The following ST6GALNAC1 variants were observed in gnomAD, a reference collection of about 807,000 sequenced individuals.
The protein encoded by ST6GALNAC1 is alpha-N-acetylgalactosaminide alpha-2,6-sialyltransferase 1.
In ST6GALNAC1, 45 loss-of-function variants were observed where a neutral mutation model predicts 56.8. The observed-to-expected ratio is 0.79, with a 90% CI of 0.62 to 1.02. ST6GALNAC1 has a LOEUF of 1.02. Among genes scored for constraint, ST6GALNAC1 ranks in the 50% least tolerant of loss-of-function variants. The pLI is 0.00. For synonymous variants in ST6GALNAC1, 295 were observed against 297.8 expected (o/e 0.99, Z 0.10); for missense variants, 743 against 754.8 (o/e 0.98, Z 0.18).
intron 2 of ST6GALNAC1, among the ~76,000 whole-genome samples, chr17:76,628,306 C>T (rs1471221258): frequency 7.1e-6 from 1 of 141,620 alleles, no homozygotes; most frequent in African/African-American, 2.6e-5. Flanking sequence ...TTCCTTCCTT[C>T]CTTCCGACAG....
chr17:76,641,753 T>C (rs1385237095), intron 1 of ST6GALNAC1: 1 of 152,162 alleles, frequency 6.6e-6, no homozygotes, highest in Non-Finnish European at 1.5e-5. Context: ...CTTACGCAAG[T>C]GCTCAAAGGT....
chr17:76,629,599 C>G lies in ST6GALNAC1; in HGVS notation c.244G>C (p.Glu82Gln). The G allele has an allele frequency of 6.2e-7, 1 of 1,613,658 alleles. No homozygotes were observed. Among genetic ancestry groups the G allele is most frequent in the Non-Finnish European group, 8.5e-7 (1 of 1,179,756 alleles). Residue 82 changes from glutamate (E) to glutamine (Q), a missense_variant, in exon 2 of 9, where the codon GAG becomes CAG. Physicochemically the swap from Glu to Gln is conservative, Grantham distance 29. Coordinates refer to ENST00000156626, the MANE Select transcript of ST6GALNAC1 (RefSeq NM_018414.5). The stretch of plus-strand genomic sequence containing the variant: ...GTTTGTGTGTTGAGGGCATTGTTCT[C>G]TGGCACTGGCTCTGCATAGATGGTT... ...RTTIYAEPVP[E>Q]NNALNTQTQP...
At chr17:76,641,593 T>C (rs894494031) in intron 1 of ST6GALNAC1, among the ~76,000 whole-genome samples, 21 of 152,190 alleles carry the variant, frequency 1.4e-4, no homozygotes, top group African/African-American at 5.1e-4. Context: ...AAAACCCTAA[T>C]GAAAGCCAGT....
chr17:76,626,303 G>A lies in ST6GALNAC1; in HGVS notation c.1401C>T (p.Asn467=), dbSNP rs771131341. The change falls in exon 6 of 9, where the codon AAC becomes AAT. Residue 467 remains asparagine, a synonymous_variant. Transcript: ENST00000156626. ...ACAGTGGGTACCTGAACCAGAAAAG[G>A]TTTTTTGACATCACCGTCTGATTCA... ...LLMNQTVMSK[N]LFWFRHRPQE... The A allele has an allele frequency of 6.2e-7, 1 of 1,614,168 alleles. No individual in the cohort carries two copies.
chr17:76,617,966 G>A, the ST6GALNAC1 span, among the ~76,000 whole-genome samples: 10 of 152,160 alleles, frequency 6.6e-5, no homozygotes, highest in African/African-American at 2.2e-4. Flanking sequence ...TGGGTCAAGG[G>A]ACCCGCATGC....
downstream of ST6GALNAC1, among the ~76,000 whole-genome samples, chr17:76,624,055 G>A (rs1171395286): frequency 6.6e-6 from 1 of 152,148 alleles, no homozygotes; most frequent in Non-Finnish European, 1.5e-5. Flanking sequence ...GCCGCGAGCA[G>A]GGCGCCGAGC....
rs918703408 is a variant in ST6GALNAC1, at chr17:76,624,906, G to C, written c.*424C>G. 3.0e-5 allele frequency: 6 copies of C among 203,366 alleles called. No homozygotes were observed. The highest frequency in any genetic ancestry group is 1.6e-4 in the Admixed American group (3 of 18,974). 12.6% of individuals were successfully genotyped at this position (203,366 alleles called of 1,614,324 possible). ...CTAGAATCAGATAACTCCTAGAAAG[G>C]TCTTCTAGACAATCTGTAGTGAAGT... On this transcript the variant is annotated 3_prime_UTR_variant, in exon 9 of 9. Coordinates refer to ENST00000156626, the MANE Select transcript of ST6GALNAC1 (RefSeq NM_018414.5).
rs962115984 is a variant in ST6GALNAC1, at chr17:76,629,394, C to T, written c.449G>A (p.Arg150Lys). ...RGQDAGMASG[R>K]TEAQSWKSQD... ...GCTCTTCCATGATTGTGCCTCTGTC[C>T]TGCCAGAGGCCATCCCTGCATCTTG... Residue 150 changes from arginine (R) to lysine (K), a missense_variant, in exon 2 of 9, where the codon AGG (arginine) becomes AAG (lysine). Arg to Lys is a conservative substitution (Grantham distance 26). Coordinates refer to ENST00000156626, the MANE Select transcript of ST6GALNAC1 (RefSeq NM_018414.5). 6.2e-7 allele frequency: 1 copy of T among 1,614,046 alleles called. No homozygotes were observed. The highest frequency in any genetic ancestry group is 1.3e-5 in the African/African-American group (1 of 74,916).
Position 76,643,621 on chromosome 17 carries a change from C to G in ST6GALNAC1, c.18G>C (p.Trp6Cys). The G allele has an allele frequency of 6.2e-7, 1 of 1,613,986 alleles. No individual in the cohort carries two copies. Among genetic ancestry groups the G allele is most frequent in the Non-Finnish European group, 8.5e-7 (1 of 1,179,912 alleles). The change falls in exon 1 of 9, where the codon TGG (tryptophan) becomes TGC (cysteine). Residue 6 changes from tryptophan (W) to cysteine (C), a missense_variant. Coordinates refer to ENST00000156626, the MANE Select transcript of ST6GALNAC1 (RefSeq NM_018414.5). MRSCL[W>C]RCRHLSQGVQ... ...CGCCTTGGCTCAGGTGCCTGCATCT[C>G]CACAGGCAGGACCTCATGGTGGTGG...
At position 76,625,393 on chromosome 17, in the gene ST6GALNAC1, G is replaced by A. The variant is rs149996373; in HGVS notation, c.1740C>T (p.His580=). 1.5e-5 allele frequency: 25 copies of A among 1,614,010 alleles called. No homozygotes were observed. In the East Asian group the frequency reaches 2.7e-4, roughly 17 times the overall value. Residue 580 remains histidine, a synonymous_variant, in exon 9 of 9, where the codon CAC becomes CAT. Transcript: ENST00000156626. ...GGTACAGCCGGATTATCCCTTCATC[G>A]TGTAGCCGCTTCCAGACTTCTCTCT... ...KLEREVWKRL[H]DEGIIRLYQR...
chr17:76,624,044 C>A (rs1016700067), downstream of ST6GALNAC1, among the ~76,000 whole-genome samples: 1 of 152,122 alleles, frequency 6.6e-6, no homozygotes, highest in Non-Finnish European at 1.5e-5. Context: ...GAGGACAGGG[C>A]GCCGCGAGCA....
At chr17:76,626,968 G>A (rs1338486317) in intron 4 of ST6GALNAC1, 99 bp downstream of exon 4, 2 of 1,447,728 alleles carry the variant, frequency 1.4e-6, no homozygotes, top group East Asian at 4.7e-5. Context: ...TCTCTCAGAA[G>A]AGTCCATGTC....
At position 76,627,379 on chromosome 17, in the gene ST6GALNAC1, T is replaced by A; in HGVS notation, c.1000+36A>T. The A allele has an allele frequency of 6.2e-7, 1 of 1,609,570 alleles. No homozygotes were observed. The highest frequency in any genetic ancestry group is 2.2e-5 in the East Asian group (1 of 44,862). ...CCCTCTGCCCTCTGCCCCGGCCTAC[T>A]GCGCACCCACACCTTCCCCTGGGTT... On this transcript the variant is annotated intron_variant, in intron 3 of 8. Transcript: ENST00000156626. This position sits in a 1 kb window ranked among gnomAD's most constrained non-coding sequence, Gnocchi z 4.4.
Position 76,629,091 on chromosome 17 carries a change from A to G in ST6GALNAC1, c.752T>C (p.Leu251Pro). 1 of 1,584,458 alleles carries G rather than the reference A, an allele frequency of 6.3e-7. No individual in the cohort carries two copies. ...QSPTTQRNQR[L>P]KAANFKSEPR... ...CTCAGATTTGAAGTTGGCGGCCTTCAGTCTTTGGTTTCTCTGCGTCGTGGG... is the reference window on the plus strand; with the variant it reads ...CTCAGATTTGAAGTTGGCGGCCTTCGGTCTTTGGTTTCTCTGCGTCGTGGG... The change falls in exon 2 of 9, where the codon CTG becomes CCG. Residue 251 changes from leucine (L) to proline (P), a missense_variant. Transcript: ENST00000156626.
chr17:76,629,560 G>C lies in ST6GALNAC1; in HGVS notation c.283C>G (p.His95Asp). Residue 95 changes from histidine (H) to aspartate (D), a missense_variant, in exon 2 of 9, where the codon CAC (histidine) becomes GAC (aspartate). Physicochemically the swap from His to Asp is moderately conservative, Grantham distance 81. Transcript: ENST00000156626. Reference sequence around the variant, plus strand: ...TCCTTTCCTCTGTCTCCGGTGGTGTGGGCCTTGGGCTGGGTTTGTGTGTTG... The same window carrying C: ...TCCTTTCCTCTGTCTCCGGTGGTGTCGGCCTTGGGCTGGGTTTGTGTGTTG... The part of the protein sequence containing the change: ...ALNTQTQPKA[H>D]TTGDRGKEAN... The C allele has an allele frequency of 6.2e-7, 1 of 1,614,050 alleles. No homozygotes were observed. The highest frequency in any genetic ancestry group is 8.5e-7 in the Non-Finnish European group (1 of 1,180,014).
rs1435270096 is a variant in ST6GALNAC1, at chr17:76,643,733, A to G, written c.-95T>C. 7.8e-7 allele frequency: 1 copy of G among 1,287,198 alleles called. No individual in the cohort carries two copies. The allele number at this position is 1,287,198 out of a possible 1,614,324, so 79.7% of individuals were successfully genotyped here. A position where few individuals can be genotyped will look rare whatever the true frequency, so the allele number is the denominator to read the frequency against. ...CACCGCTCAGGTTTCCTGGCCAGGAAGTGCACACCCTTTGTCTTAACAATG... is the reference window on the plus strand; with the variant it reads ...CACCGCTCAGGTTTCCTGGCCAGGAGGTGCACACCCTTTGTCTTAACAATG... On this transcript the variant is annotated 5_prime_UTR_variant, in exon 1 of 9. Transcript: ENST00000156626.
rs771644279 is a variant in ST6GALNAC1 at position 76,637,272 on chromosome 17, T to TAA, written c.131+6234_131+6235dup. 5.2e-3 allele frequency among the ~76,000 whole-genome samples: 95 copies of TAA among 18,178 alleles called. 4 individuals carry two copies. The highest frequency in any genetic ancestry group is 9.6e-3 in the East Asian group (5 of 520). 11.9% of individuals were successfully genotyped at this position (18,178 alleles called of 152,430 possible). Reference sequence around the variant, plus strand: ...ACACCCAAGAATGATCAATAAATACTAAAAAAAAAAAAAAAAAAAAAAAAA... The same window carrying TAA: ...ACACCCAAGAATGATCAATAAATACTAAAAAAAAAAAAAAAAAAAAAAAAAAA... On this transcript the variant is annotated intron_variant, in intron 1 of 8. Transcript: ENST00000156626.
chr17:76,629,352 G>A lies in ST6GALNAC1; in HGVS notation c.491C>T (p.Thr164Ile). 6.2e-7 allele frequency: 1 copy of A among 1,614,150 alleles called. No individual in the cohort carries two copies. Among genetic ancestry groups the A allele is most frequent in the Non-Finnish European group, 8.5e-7 (1 of 1,180,014 alleles). The change falls in exon 2 of 9, where the codon ACC (threonine) becomes ATC (isoleucine). Residue 164 changes from threonine to isoleucine, a missense_variant. Thr to Ile is a moderately conservative substitution (Grantham distance 89). Coordinates refer to ENST00000156626, the MANE Select transcript of ST6GALNAC1 (RefSeq NM_018414.5). ...CCTGGTCTGGCCCCCATTTCCTTGG[G>A]TCGTCTTTGTGTCCTGGCTCTTCCA... The part of the protein sequence containing the change: ...QSWKSQDTKT[T>I]QGNGGQTRKL...
chr17:76,626,513 C>T, intron 5 of ST6GALNAC1, 121 bp from the exon 6 acceptor site: 1 of 1,497,798 alleles, frequency 6.7e-7, no homozygotes, highest in Non-Finnish European at 9.2e-7. Flanking sequence ...ACTGTCCTCC[C>T]CACTCCTGCC....
Sources: gnomAD v4.1 joint callset for allele counts (sites outside exome capture counted in the v4.1 genomes callset) on GRCh38, gnomAD v4.1.1 for gene constraint, Gnocchi (gnomAD v3.1) non-coding constraint, MANE v1.5 for transcripts, NCBI Gene and HGNC (gene_info 2026-07-23, HGNC 2026-07-21) for gene names.